The following RGS12 variants were observed in gnomAD, a reference collection of about 807,000 sequenced individuals.
RGS12 encodes regulator of G-protein signaling 12.
In RGS12, 66 loss-of-function variants were observed where a neutral mutation model predicts 120.1. The ratio of observed to expected loss-of-function variants is 0.55; its 90% confidence interval spans 0.45 to 0.67. The LOEUF is 0.67. Among genes scored for constraint, RGS12 ranks in the 30% least tolerant of loss-of-function variants. The pLI, the probability that RGS12 is intolerant of heterozygous loss-of-function variation, is 0.00. For synonymous variants in RGS12, 827 were observed against 804.7 expected, an observed-to-expected ratio of 1.03 and a Z score of -0.47; for missense variants, 1,859 against 1,957.7, an observed-to-expected ratio of 0.95 and a Z score of 0.95.
chr4:3,418,128 T>G (rs916487022), intron 9 of RGS12: 5 of 152,290 alleles, frequency 3.3e-5, no homozygotes, highest in African/African-American at 1.2e-4. Context: ...GTCCCTTTTT[T>G]CTTCGCACAT....
At position 3,422,920 on chromosome 4, in the gene RGS12, C is replaced by G. The variant is rs1723190988; in HGVS notation, c.3049C>G (p.Gln1017Glu). ...VGGDKPLVLHQDSSILESRDL... is the reference protein window; with the variant it reads ...VGGDKPLVLHEDSSILESRDL... ...TGTTCCTCAGCCTCTGGTGCTGCAC[C>G]AAGACAGTAGCATCTTGGAGTCAAG... Residue 1017 changes from glutamine (Q) to glutamate (E), a missense_variant, in exon 12 of 18, where the codon CAA becomes GAA. Around this residue, in one of 3 missense-constraint regions of RGS12, gnomAD observed 375 missense variants for 475.0 expected, o/e 0.79. Coordinates refer to ENST00000336727, the MANE Select transcript of RGS12 (RefSeq NM_001394154.1). 1 of 1,613,190 alleles carries G rather than the reference C, an allele frequency of 6.2e-7. No individual in the cohort carries two copies. Among genetic ancestry groups the G allele is most frequent in the Non-Finnish European group, 8.5e-7 (1 of 1,179,954 alleles).
At chr4:3,369,277 C>G (rs1716717332) in intron 3 of RGS12, among the ~76,000 whole-genome samples, 1 of 152,246 alleles carries the variant, frequency 6.6e-6, no homozygotes, top group Non-Finnish European at 1.5e-5. Flanking sequence ...CTGCAAGCAG[C>G]CATTGTGCAT....
intron 4 of RGS12, among the ~76,000 whole-genome samples, chr4:3,397,687 ATC>A (rs898623424): frequency 2.0e-5 from 3 of 152,256 alleles, no homozygotes; most frequent in Non-Finnish European, 4.4e-5. Context: ...TTTATTCAAA[ATC>A]TACTGGAGAT....
intron 2 of RGS12, among the ~76,000 whole-genome samples, chr4:3,330,566 T>A (rs1467425211): frequency 3.3e-5 from 5 of 152,202 alleles, no homozygotes; most frequent in Non-Finnish European, 7.3e-5. Context: ...GCCTGGCAGT[T>A]AGAAGGCACT....
At chr4:3,391,336 A>G (rs891495064) in intron 4 of RGS12, among the ~76,000 whole-genome samples, 11 of 152,264 alleles carry the variant, frequency 7.2e-5, no homozygotes, top group Admixed American at 6.5e-4. Flanking sequence ...TTCCAATTCT[A>G]CAAGATATTT....
chr4:3,305,430 C>T (rs1025748051), intron 1 of RGS12, among the ~76,000 whole-genome samples: 1 of 152,172 alleles, frequency 6.6e-6, no homozygotes, highest in Non-Finnish European at 1.5e-5. Context: ...CCTTCCATGA[C>T]AGCATCTGCT....
At chr4:3,352,141 A>G (rs1267751185) in intron 3 of RGS12, among the ~76,000 whole-genome samples, 1 of 152,218 alleles carries the variant, frequency 6.6e-6, no homozygotes, top group Non-Finnish European at 1.5e-5. Flanking sequence ...TAAATTCTGT[A>G]GTAACCAGAG....
Position 3,439,841 on chromosome 4 carries a change from A to G in RGS12, c.*157A>G. 1.5e-6 allele frequency: 1 copy of G among 660,788 alleles called. No homozygotes were observed. Among genetic ancestry groups the G allele is most frequent in the South Asian group, 2.4e-5 (1 of 42,524 alleles). 40.9% of individuals were successfully genotyped at this position (660,788 alleles called of 1,614,324 possible). Reference sequence around the variant, plus strand: ...CTCGCTGGAGGCACTGGCCCCGGACATTCGCCATGCTGGCCATGGGGCTCC... The same window carrying G: ...CTCGCTGGAGGCACTGGCCCCGGACGTTCGCCATGCTGGCCATGGGGCTCC... On this transcript the variant is annotated 3_prime_UTR_variant, in exon 18 of 18. Transcript: ENST00000336727.
chr4:3,436,022 C>T (rs1724774478), intron 17 of RGS12, among the ~76,000 whole-genome samples: 3 of 152,240 alleles, frequency 2.0e-5, no homozygotes, highest in African/African-American at 7.2e-5. Flanking sequence ...GCGCTGTCCA[C>T]TCCCTCGCCA....
chr4:3,301,684 G>A (rs1013656512), intron 1 of RGS12, among the ~76,000 whole-genome samples: 10 of 151,928 alleles, frequency 6.6e-5, no homozygotes, highest in African/African-American at 2.4e-4. Context: ...GTGAGGCCGG[G>A]GTCTGGGCTG....
At chr4:3,394,064 C>T (rs779055095) in intron 4 of RGS12, among the ~76,000 whole-genome samples, 3 of 152,274 alleles carry the variant, frequency 2.0e-5, no homozygotes, top group South Asian at 2.1e-4. Context: ...AGCCTCTGCC[C>T]GGCCCTCAGA....
In RGS12 at chr4:3,425,615, G is replaced by T; in HGVS notation, c.3331+55G>T. ...GAGGGTGAGTGGGTCCAGTGCAGGG[G>T]AGGGGGCTATGGAGCCGGTGCAGGG... is the stretch of plus-strand genomic sequence containing the variant. On this transcript the variant is annotated intron_variant, in intron 14 of 17. Transcript: ENST00000336727. The T allele has an allele frequency of 3.6e-6, 5 of 1,390,152 alleles. No individual in the cohort carries two copies. In the South Asian group the frequency reaches 5.8e-5, roughly 16 times the overall value. 86.1% of individuals were successfully genotyped at this position (1,390,152 alleles called of 1,614,324 possible).
intron 2 of RGS12, among the ~76,000 whole-genome samples, chr4:3,323,327 GAC>G (rs1725329504): frequency 6.6e-6 from 1 of 152,218 alleles, no homozygotes; most frequent in Admixed American, 6.5e-5. Flanking sequence ...TACAATCACA[GAC>G]ACAATGCGAA....
intron 6 of RGS12, among the ~76,000 whole-genome samples, chr4:3,415,172 G>C (rs1044258359): frequency 2.7e-5 from 4 of 150,468 alleles, no homozygotes; most frequent in African/African-American, 9.8e-5. Context: ...TGAGGGGCGT[G>C]TGTGATAGGG....
rs1171481350 is a variant in RGS12 at position 3,356,145 on chromosome 4, C to G, written c.1998+13092C>G. Among the ~76,000 whole-genome samples the G allele has an allele frequency of 2.0e-5, 3 of 150,514 alleles. No individual in the cohort carries two copies. The East Asian group carries it at 5.9e-4, about 29-fold the overall frequency. ...CTTGGCTCACTGCAACCTCTGCCTC[C>G]TGGGCTCAGGCGATCCTTTGGCCTC... is the stretch of plus-strand genomic sequence containing the variant. On this transcript the variant is annotated intron_variant, in intron 3 of 17. Transcript: ENST00000336727.
At chr4:3,423,446 T>A in intron 12 of RGS12, 69 bp from the exon 13 acceptor site, 2 of 1,594,932 alleles carry the variant, frequency 1.3e-6, no homozygotes, top group Non-Finnish European at 1.7e-6. Context: ...GCTGTAGTTC[T>A]GCTCGTGAGA....
chr4:3,417,740 G>A lies in RGS12; in HGVS notation c.2761+199G>A, dbSNP rs558632486. The A allele has an allele frequency of 9.4e-4, 562 of 596,398 alleles. 16 individuals carry two copies. In the South Asian group the frequency reaches 0.011, roughly 12 times the overall value. The allele number at this position is 596,398 out of a possible 1,614,324, so 36.9% of individuals were successfully genotyped here. On this transcript the variant is annotated intron_variant, in intron 9 of 17. Coordinates refer to ENST00000336727, the MANE Select transcript of RGS12 (RefSeq NM_001394154.1). ...CGACCTGTCAGCCAGCCAGAGGGCA[G>A]CAGGGCTGCTCCAGAATCTTCCAGA...
chr4:3,434,308 C>T (rs1356198004), intron 17 of RGS12, among the ~76,000 whole-genome samples: 2 of 152,152 alleles, frequency 1.3e-5, no homozygotes, highest in Non-Finnish European at 2.9e-5. Flanking sequence ...GATCCAGTCA[C>T]CTCTACCTGG....
chr4:3,405,633 G>C (rs1336178796), intron 4 of RGS12, among the ~76,000 whole-genome samples: 1 of 151,702 alleles, frequency 6.6e-6, no homozygotes, highest in Admixed American at 6.6e-5. Flanking sequence ...ACTTGGTTAT[G>C]AGAGAATGTC....
Sources: gnomAD v4.1 joint callset for allele counts (sites outside exome capture counted in the v4.1 genomes callset) on GRCh38, gnomAD v4.1.1 for gene constraint, gnomAD v4.1.1 regional missense constraint, MANE v1.5 for transcripts, NCBI Gene and HGNC (gene_info 2026-07-23, HGNC 2026-07-21) for gene names.